NCOR1: variants seen among roughly 807,000 people sequenced by gnomAD.
NCOR1 encodes the protein protein phosphatase 1, regulatory subunit 109.
In NCOR1, 63 loss-of-function variants were observed where a neutral mutation model predicts 288.1. The ratio of observed to expected loss-of-function variants is 0.22; its 90% CI spans 0.18 to 0.27. The LOEUF (loss-of-function observed/expected upper bound fraction) is 0.27, where lower values mean the gene tolerates loss of function less well. Ranked by LOEUF, NCOR1 falls within the 10% of genes least tolerant of loss-of-function variation. The pLI, the probability that NCOR1 is intolerant of heterozygous loss-of-function variation, is 1.00. For missense variants in NCOR1, 2,397 were observed against 3,019.2 expected (o/e 0.79, Z 4.83); for synonymous variants, 1,007 against 1,065.9 (o/e 0.94, Z 1.08).
intron 2 of NCOR1, chr17:16,191,933 C>A (rs2088449814): frequency 1.3e-5 from 2 of 150,902 alleles, no homozygotes; most frequent in South Asian, 4.1e-4. Context: ...CTGGGCTATG[C>A]CAATCAGATG....
intron 19 of NCOR1, among the ~76,000 whole-genome samples, chr17:16,105,703 A>G (rs538016536): frequency 6.6e-6 from 1 of 150,724 alleles, no homozygotes; most frequent in South Asian, 2.1e-4. Flanking sequence ...AGTTCACATG[A>G]GAGTTCAAGT....
chr17:16,117,834 C>A, intron 18 of NCOR1, 54 bp downstream of exon 18: 1 of 1,566,934 alleles, frequency 6.4e-7, no homozygotes. Flanking sequence ...ACAACAACAA[C>A]AACACTCTAA....
intron 3 of NCOR1, 42 bp downstream of exon 3, chr17:16,186,512 C>T (rs1334620736): frequency 1.3e-6 from 2 of 1,578,634 alleles, no homozygotes; most frequent in African/African-American, 2.7e-5. Flanking sequence ...GTATACTTCA[C>T]AATTATAATC....
At chr17:16,170,153 G>C (rs2082860805) in intron 4 of NCOR1, among the ~76,000 whole-genome samples, 1 of 123,288 alleles carries the variant, frequency 8.1e-6, no homozygotes, top group Non-Finnish European at 1.8e-5. Context: ...CTTCATTTTG[G>C]CTGAACTATT....
At position 16,031,892 on chromosome 17, in the gene NCOR1, G is replaced by C; in HGVS notation, c.*404C>G. 1 of 237,022 alleles carries C rather than the reference G, an allele frequency of 4.2e-6. No homozygotes were observed. Among genetic ancestry groups the C allele is most frequent in the Non-Finnish European group, 8.3e-6 (1 of 120,888 alleles). 14.7% of individuals were successfully genotyped at this position (237,022 alleles called of 1,614,324 possible). A position where few individuals can be genotyped will look rare whatever the true frequency, so the allele number is the denominator to read the frequency against. On this transcript the variant is annotated 3_prime_UTR_variant, in exon 46 of 46. Transcript: ENST00000268712. Reference sequence around the variant, plus strand: ...AAGATTTTTAAAAATCACCCCCAAAGTTGATGCGCTGATTTGAACATAAGT... The same window carrying C: ...AAGATTTTTAAAAATCACCCCCAAACTTGATGCGCTGATTTGAACATAAGT...
In NCOR1 at chr17:16,090,535, G is replaced by A. The variant is rs542612793; in HGVS notation, c.3016+1328C>T. ...TTTAAGGTGTAATTACTGAGTACAT[G>A]TTGTGTCAATTACAGAACTAGCGAT... On this transcript the variant is annotated intron_variant, in intron 22 of 45. Coordinates refer to ENST00000268712, the MANE Select transcript of NCOR1 (RefSeq NM_006311.4). Among the ~76,000 whole-genome samples, 15 of 152,264 alleles carry A rather than the reference G, an allele frequency of 9.9e-5. No individual in the cohort carries two copies. The South Asian group carries it at 2.7e-3, about 27-fold the overall frequency.
At chr17:16,209,497 G>T (rs1003649738) in intron 1 of NCOR1, among the ~76,000 whole-genome samples, 2 of 150,692 alleles carry the variant, frequency 1.3e-5, no homozygotes, top group African/African-American at 4.9e-5. Context: ...CATGGTGGGA[G>T]GATTACTTGA....
chr17:16,065,086 G>T, intron 33 of NCOR1, 67 bp from the exon 34 acceptor site: 1 of 1,442,988 alleles, frequency 6.9e-7, no homozygotes, highest in South Asian at 1.3e-5. Context: ...ACATGACTTT[G>T]GATTTTGTCT....
chr17:16,191,692 G>C (rs969334278), intron 2 of NCOR1: 3 of 152,046 alleles, frequency 2.0e-5, no homozygotes, highest in African/African-American at 7.3e-5. Flanking sequence ...CAGAAACTAG[G>C]GGAAAAGGAG....
At chr17:16,103,399 TAG>T (rs2067986195) in intron 19 of NCOR1, among the ~76,000 whole-genome samples, 2 of 152,352 alleles carry the variant, frequency 1.3e-5, no homozygotes, top group African/African-American at 4.8e-5. Context: ...ACAACAAAGA[TAG>T]AGTTGTCTTT....
chr17:16,071,287 A>C (rs2061732744), intron 30 of NCOR1, 122 bp downstream of exon 30: 17 of 1,408,708 alleles, frequency 1.2e-5, no homozygotes, highest in Middle Eastern at 2.0e-4. Flanking sequence ...AGGTACAGGA[A>C]ACTTTCATGT....
chr17:16,057,785 A>C (rs559308762), intron 39 of NCOR1, 48 bp from the exon 40 acceptor site: 13 of 1,175,102 alleles, frequency 1.1e-5, no homozygotes, highest in South Asian at 1.0e-4. Flanking sequence ...GAGTACTTGC[A>C]AAAAAAAAAT....
chr17:16,194,237 T>A (rs1428641376), intron 2 of NCOR1, among the ~76,000 whole-genome samples: 1 of 151,944 alleles, frequency 6.6e-6, no homozygotes, highest in East Asian at 1.9e-4. Context: ...TCAACTCCTA[T>A]CATGAAAAGC....
chr17:16,044,956 G>T, intron 42 of NCOR1: 3 of 547,918 alleles, frequency 5.5e-6, no homozygotes, highest in South Asian at 3.7e-5. Flanking sequence ...TGGTTGTTTT[G>T]ACTAAATTTC....
intron 9 of NCOR1, among the ~76,000 whole-genome samples, chr17:16,148,730 C>T (rs896237703): frequency 7.9e-6 from 1 of 126,564 alleles, no homozygotes; most frequent in African/African-American, 3.0e-5. Context: ...TCTGATCAGA[C>T]TGGCAAATTA....
chr17:16,039,798 T>G (rs777336937), intron 43 of NCOR1, 144 bp from the exon 44 acceptor site: 4 of 701,670 alleles, frequency 5.7e-6, no homozygotes, highest in African/African-American at 3.6e-5. Flanking sequence ...ACAGAGACCT[T>G]TTTTTTTGGA....
At chr17:16,138,697 C>T (rs2076772027) in intron 12 of NCOR1, among the ~76,000 whole-genome samples, 1 of 152,158 alleles carries the variant, frequency 6.6e-6, no homozygotes. Flanking sequence ...GCACCATACA[C>T]CAGGAAATGA....
chr17:16,196,102 A>T (rs2089730414), intron 1 of NCOR1, among the ~76,000 whole-genome samples: 1 of 149,916 alleles, frequency 6.7e-6, no homozygotes, highest in Admixed American at 6.7e-5. Flanking sequence ...TTTAAAAAAT[A>T]GAATTTATAT....
At chr17:16,092,693 ATATTTTTTTTTTTTT>A (rs2065597584) in intron 21 of NCOR1, among the ~76,000 whole-genome samples, 1 of 12,772 alleles carries the variant, frequency 7.8e-5, no homozygotes, top group Non-Finnish European at 1.3e-4. Flanking sequence ...ATATATATAT[ATATTTTTTTTTTTTT>A]TTTTTTTTAA....
Sources: gnomAD v4.1 joint callset for allele counts (sites outside exome capture counted in the v4.1 genomes callset) on GRCh38, gnomAD v4.1.1 for gene constraint, MANE v1.5 for transcripts, NCBI Gene and HGNC (gene_info 2026-07-23, HGNC 2026-07-21) for gene names.